PPIP5K2: variants seen among roughly 807,000 people sequenced by gnomAD.
PPIP5K2 encodes diphosphoinositol pentakisphosphate kinase 2, also known as inositol hexakisphosphate and diphosphoinositol-pentakisphosphate kinase 2.
A neutral mutation model predicts 154.6 loss-of-function variants in PPIP5K2; 105 were observed. That is an observed-to-expected ratio of 0.68 (90% CI 0.58 to 0.80). PPIP5K2 has a LOEUF of 0.80. PPIP5K2 is among the 30% of genes least tolerant of loss of function. The pLI is 0.00. For synonymous variants in PPIP5K2, 480 were observed against 490.3 expected, an observed-to-expected ratio of 0.98 and a Z score of 0.28; for missense variants, 992 against 1,504.6, an observed-to-expected ratio of 0.66 and a Z score of 5.64.
At position 103,147,986 on chromosome 5, in the gene PPIP5K2, C is replaced by T. The variant is rs782715830; in HGVS notation, c.698C>T (p.Ser233Leu). The change falls in exon 7 of 31, where the codon TCA (serine) becomes TTA (leucine). Residue 233 changes from serine to leucine, a missense_variant. This residue lies in a region of PPIP5K2 where 51 missense variants were observed against 152.2 expected (regional missense o/e 0.33). Transcript: ENST00000358359. ...GAAAGCAATGTACGAAAAACAGGCT[C>T]ATATATATATGAAGAGTTTATGCCC... ...SPESNVRKTG[S>L]YIYEEFMPTD... 2.5e-6 allele frequency: 4 copies of T among 1,603,360 alleles called. No individual in the cohort carries two copies. The highest frequency in any genetic ancestry group is 3.4e-5 in the Admixed American group (2 of 59,400).
intron 28 of PPIP5K2, among the ~76,000 whole-genome samples, chr5:103,189,541 G>A (rs1212176509): frequency 4.6e-5 from 7 of 152,056 alleles, no homozygotes; most frequent in Admixed American, 6.6e-5. Context: ...TAACAGTTGT[G>A]CAAGCCTAAT....
intron 28 of PPIP5K2, 99 bp from the exon 29 acceptor site, chr5:103,190,743 C>T: frequency 5.4e-6 from 6 of 1,105,198 alleles, no homozygotes; most frequent in Non-Finnish European, 7.4e-6. Flanking sequence ...ACTGAAAAGA[C>T]CTAAACTGTC....
intron 21 of PPIP5K2, among the ~76,000 whole-genome samples, chr5:103,174,559 A>G (rs1310220009): frequency 6.6e-6 from 1 of 152,004 alleles, no homozygotes; most frequent in Non-Finnish European, 1.5e-5. Flanking sequence ...AGCTGCGGTT[A>G]TCAAGCAGAA....
chr5:103,156,770 C>CAG (rs1795481501), intron 14 of PPIP5K2, among the ~76,000 whole-genome samples: 4 of 152,178 alleles, frequency 2.6e-5, no homozygotes, highest in East Asian at 1.9e-4. Flanking sequence ...ATGCTTTGAC[C>CAG]TGAATTCTGC....
At position 103,187,265 on chromosome 5, in the gene PPIP5K2, C is replaced by A. The variant is rs782067358; in HGVS notation, c.3290-49C>A. On this transcript the variant is annotated intron_variant, in intron 27 of 30. Transcript: ENST00000358359. ...TTTTCCCCTCTTTCTTTTAAGTGTT[C>A]TTTTTGTAGCTGTTACGAATTTCAG... 8.6e-6 allele frequency: 12 copies of A among 1,401,356 alleles called. No homozygotes were observed. The African/African-American group carries it at 1.6e-4, about 18-fold the overall frequency. 86.8% of individuals were successfully genotyped at this position (1,401,356 alleles called of 1,614,324 possible). A position where few individuals can be genotyped will look rare whatever the true frequency, so the allele number is the denominator to read the frequency against.
At chr5:103,124,035 C>T (rs1789214431) in intron 1 of PPIP5K2, among the ~76,000 whole-genome samples, 1 of 152,126 alleles carries the variant, frequency 6.6e-6, no homozygotes. Context: ...AATCCCAGCA[C>T]TTTGGGAGGC....
chr5:103,138,100 A>C (rs1002570867), intron 4 of PPIP5K2, among the ~76,000 whole-genome samples: 1 of 152,144 alleles, frequency 6.6e-6, no homozygotes, highest in African/African-American at 2.4e-5. Flanking sequence ...AACTTTATTC[A>C]GCCATTTTTA....
At chr5:103,178,368 T>G (rs782466550) in intron 23 of PPIP5K2, among the ~76,000 whole-genome samples, 4 of 151,942 alleles carry the variant, frequency 2.6e-5, no homozygotes, top group African/African-American at 4.8e-5. Flanking sequence ...CCTATAGTAC[T>G]ACATCTGATA....
chr5:103,193,802 C>A (rs957844630), intron 29 of PPIP5K2, among the ~76,000 whole-genome samples: 1 of 152,158 alleles, frequency 6.6e-6, no homozygotes, highest in Non-Finnish European at 1.5e-5. Context: ...CATGCTGCCT[C>A]TCCCTTTGTT....
chr5:103,152,572 C>A, intron 9 of PPIP5K2, 76 bp from the exon 10 acceptor site: 1 of 811,942 alleles, frequency 1.2e-6, no homozygotes, highest in Non-Finnish European at 2.0e-6. Context: ...TCTTATGATT[C>A]TCTCTCATCC....
rs373039552 is a variant in PPIP5K2, at chr5:103,186,268, A to G, written c.3170-52A>G. On this transcript the variant is annotated intron_variant, in intron 26 of 30. Transcript: ENST00000358359. ...TAATTGCATGCTGCATGAATTCCCA[A>G]TGTGAATGGAAGAACACCCGTTGTG... The G allele has an allele frequency of 1.8e-5, 29 of 1,609,528 alleles. No homozygotes were observed. In the African/African-American group the frequency reaches 1.9e-4, roughly 10 times the overall value.
At chr5:103,147,048 A>G (rs1014594649) in intron 6 of PPIP5K2, among the ~76,000 whole-genome samples, 27 of 151,958 alleles carry the variant, frequency 1.8e-4, no homozygotes, top group African/African-American at 6.3e-4. Flanking sequence ...ACATGAAAGT[A>G]TACTTAATTG....
chr5:103,122,017 T>C (rs1270254196), intron 1 of PPIP5K2, among the ~76,000 whole-genome samples: 1 of 152,216 alleles, frequency 6.6e-6, no homozygotes, highest in Non-Finnish European at 1.5e-5. Flanking sequence ...TTTTAGCAGA[T>C]ACATACTAAC....
At chr5:103,179,800 A>G (rs1353243871) in intron 23 of PPIP5K2, among the ~76,000 whole-genome samples, 1 of 152,030 alleles carries the variant, frequency 6.6e-6, no homozygotes, top group East Asian at 1.9e-4. Flanking sequence ...TAATTTCTCC[A>G]TAGAGTATAT....
Position 103,197,205 on chromosome 5 carries a change from T to A in PPIP5K2, c.3619+2180T>A, listed in dbSNP as rs149293499. 6.2e-4 allele frequency among the ~76,000 whole-genome samples: 94 copies of A among 152,250 alleles called. 1 individual carries two copies. The highest frequency in any genetic ancestry group is 2.2e-3 in the African/African-American group (92 of 41,560). ...GAGTAATGCTAGCTTCATAAAATAA[T>A]TGGGAAGTGCTTTCTATTTTCTGAA... On this transcript the variant is annotated intron_variant, in intron 30 of 30. Transcript: ENST00000358359.
chr5:103,136,753 TTGCCTA>T lies in PPIP5K2; in HGVS notation c.336_341del (p.Tyr113_Ala114del). 6.2e-7 allele frequency: 1 copy of T among 1,613,316 alleles called. No individual in the cohort carries two copies. The highest frequency in any genetic ancestry group is 8.5e-7 in the Non-Finnish European group (1 of 1,179,354). On this transcript the variant is annotated inframe_deletion, in exon 4 of 31. Coordinates refer to ENST00000358359, the MANE Select transcript of PPIP5K2 (RefSeq NM_001276277.3). ...TTAGGATTTCCACTGGACAAAGCGG[TTGCCTA>T]TGCAAAACTCAGGAATCCATTTGTA...
At position 103,120,305 on chromosome 5, in the gene PPIP5K2, T is replaced by G. The variant is rs1788425038; in HGVS notation, c.-468T>G. On this transcript the variant is annotated 5_prime_UTR_variant, in exon 1 of 31. Coordinates refer to ENST00000358359, the MANE Select transcript of PPIP5K2 (RefSeq NM_001276277.3). ...CGTGACGGAGATTCCTGAGGTGTAG[T>G]AGCCTGAGGTTCCCTTATGTGGCCC... The G allele has an allele frequency of 5.0e-6, 2 of 403,302 alleles. No individual in the cohort carries two copies. Among genetic ancestry groups the G allele is most frequent in the Non-Finnish European group, 1.0e-5 (2 of 195,812 alleles). The allele number at this position is 403,302 out of a possible 1,614,324, so 25.0% of individuals were successfully genotyped here.
intron 5 of PPIP5K2, among the ~76,000 whole-genome samples, chr5:103,144,840 A>T (rs1162940027): frequency 6.6e-6 from 1 of 152,164 alleles, no homozygotes; most frequent in African/African-American, 2.4e-5. Context: ...ACACTCCAGG[A>T]TACTGGTCTG....
At chr5:103,175,853 A>G (rs781976985) in intron 21 of PPIP5K2, among the ~76,000 whole-genome samples, 16 of 152,104 alleles carry the variant, frequency 1.1e-4, no homozygotes, top group Non-Finnish European at 2.4e-4. Flanking sequence ...CAACTTCATT[A>G]TTTTAAAAAT....
Sources: allele counts gnomAD v4.1 joint callset (sites outside exome capture counted in the v4.1 genomes callset), GRCh38; gene constraint gnomAD v4.1.1; regional missense constraint gnomAD v4.1.1; transcripts MANE v1.5; gene names NCBI Gene and HGNC (gene_info 2026-07-23, HGNC 2026-07-21).